RASA1: variants seen among roughly 807,000 people sequenced by gnomAD.
The protein encoded by RASA1 is RAS p21 protein activator 1.
RASA1 carries 25 observed loss-of-function variants against 132.2 expected under a neutral mutation model. That is an observed-to-expected ratio of 0.19 (90% CI 0.14 to 0.26). RASA1 has a LOEUF of 0.26. Among genes scored for constraint, RASA1 ranks in the 10% least tolerant of loss-of-function variants. The pLI is 1.00. For missense variants in RASA1, 964 were observed against 1,299.2 expected (o/e 0.74, Z 3.97); for synonymous variants, 477 against 449.9 (o/e 1.06, Z -0.76).
chr5:87,379,915 T>C (rs1761590953), intron 19 of RASA1, 65 bp downstream of exon 19: 1 of 1,507,446 alleles, frequency 6.6e-7, no homozygotes, highest in Admixed American at 1.7e-5. Flanking sequence ...TTTCTATTTC[T>C]AAAACGTGAA....
At chr5:87,274,433 C>T (rs951081090) in intron 1 of RASA1, among the ~76,000 whole-genome samples, 1 of 152,038 alleles carries the variant, frequency 6.6e-6, no homozygotes, top group East Asian at 1.9e-4. Context: ...ATGGGTGAGC[C>T]ATTGTTTCTT....
Position 87,369,920 on chromosome 5 carries a change from A to G in RASA1, c.1698+20A>G, listed in dbSNP as rs764032034. The stretch of plus-strand genomic sequence containing the variant: ...GCAGAGGTAAGATTACTGTTTCTCA[A>G]ACTACAGTATACTTTTATGTTAGCC... On this transcript the variant is annotated intron_variant, in intron 12 of 24. Transcript: ENST00000274376. 1.9e-6 allele frequency: 3 copies of G among 1,558,442 alleles called. No individual in the cohort carries two copies. Among genetic ancestry groups the G allele is most frequent in the African/African-American group, 2.7e-5 (2 of 73,554 alleles).
chr5:87,303,424 T>G (rs923143440), intron 1 of RASA1, among the ~76,000 whole-genome samples: 1 of 152,084 alleles, frequency 6.6e-6, no homozygotes, highest in Non-Finnish European at 1.5e-5. Context: ...CTTAAATAAT[T>G]CTTCTCAGTC....
chr5:87,278,909 C>T (rs370334178), intron 1 of RASA1, among the ~76,000 whole-genome samples: 261 of 83,976 alleles, frequency 3.1e-3, no homozygotes, highest in Admixed American at 4.0e-3. Flanking sequence ...CTAATTTGTT[C>T]TTTTTTTTTT....
intron 11 of RASA1, among the ~76,000 whole-genome samples, chr5:87,365,283 TG>T (rs1377632844): frequency 6.6e-6 from 1 of 152,198 alleles, no homozygotes; most frequent in Non-Finnish European, 1.5e-5. Flanking sequence ...CGAAATCATA[TG>T]ATCCCTGTAT....
At chr5:87,353,317 A>G in intron 9 of RASA1, 82 bp downstream of exon 9, 2 of 1,108,674 alleles carry the variant, frequency 1.8e-6, no homozygotes. Context: ...ACACATTTGT[A>G]CAATTCAAAT....
In RASA1 at chr5:87,373,734, G is replaced by A. The variant is rs76564060; in HGVS notation, c.1777-429G>A. Reference sequence around the variant, plus strand: ...GTCAGTGTTTTAAAAATTTTTAGCTGTGGAACTCTTTTATAGAAATAGAAT... The same window carrying A: ...GTCAGTGTTTTAAAAATTTTTAGCTATGGAACTCTTTTATAGAAATAGAAT... On this transcript the variant is annotated intron_variant, in intron 13 of 24. Transcript: ENST00000274376. 5.1e-3 allele frequency among the ~76,000 whole-genome samples: 776 copies of A among 152,172 alleles called. 42 individuals carry two copies. The South Asian group carries it at 0.11, about 22-fold the overall frequency.
At chr5:87,321,732 C>A (rs1756826592) in intron 1 of RASA1, among the ~76,000 whole-genome samples, 1 of 152,242 alleles carries the variant, frequency 6.6e-6, no homozygotes, top group Non-Finnish European at 1.5e-5. Context: ...TCTTGCTCAC[C>A]TTCTTGCCCA....
intron 12 of RASA1, among the ~76,000 whole-genome samples, chr5:87,371,847 CTAAT>C (rs1256955340): frequency 6.6e-6 from 1 of 151,910 alleles, no homozygotes; most frequent in South Asian, 2.1e-4. Context: ...GATTTTTTGG[CTAAT>C]TAATGGCCAC....
chr5:87,382,221 G>C (rs759858726), intron 20 of RASA1, among the ~76,000 whole-genome samples: 2 of 152,128 alleles, frequency 1.3e-5, no homozygotes, highest in Non-Finnish European at 2.9e-5. Flanking sequence ...CAAAGTGTTG[G>C]ATTACAGGCA....
At chr5:87,300,312 G>A (rs1313992768) in intron 1 of RASA1, among the ~76,000 whole-genome samples, 1 of 152,158 alleles carries the variant, frequency 6.6e-6, no homozygotes, top group African/African-American at 2.4e-5. Context: ...AAGTGGTTGA[G>A]CTTGCAGTGA....
intron 21 of RASA1, among the ~76,000 whole-genome samples, chr5:87,384,150 A>G (rs1260800841): frequency 6.6e-6 from 1 of 152,198 alleles, no homozygotes; most frequent in Non-Finnish European, 1.5e-5. Flanking sequence ...TAGATCTTCA[A>G]GATCAAATTA....
intron 21 of RASA1, 79 bp downstream of exon 21, chr5:87,383,859 C>A: frequency 4.5e-4 from 407 of 897,370 alleles, no homozygotes; most frequent in Non-Finnish European, 6.2e-4. Flanking sequence ...ACTCTTAAAT[C>A]TTTTTTTTTT....
intron 1 of RASA1, among the ~76,000 whole-genome samples, chr5:87,320,582 A>G (rs1195607565): frequency 1.3e-5 from 2 of 152,148 alleles, no homozygotes; most frequent in East Asian, 3.9e-4. Context: ...ACACACTTTT[A>G]AACCATCAGA....
rs191444827 is a variant in RASA1, at chr5:87,382,442, G to A, written c.2691-1271G>A. Among the ~76,000 whole-genome samples the A allele has an allele frequency of 4.6e-3, 697 of 152,232 alleles. 7 individuals are homozygous for A. The highest frequency in any genetic ancestry group is 5.7e-3 in the Non-Finnish European group (391 of 68,012). ...CGTAACTCATTATTTTGGGAATAATGCTTGTCTTTACATGGATTATGTCTA... is the reference window on the plus strand; with the variant it reads ...CGTAACTCATTATTTTGGGAATAATACTTGTCTTTACATGGATTATGTCTA... On this transcript the variant is annotated intron_variant, in intron 20 of 24. Coordinates refer to ENST00000274376, the MANE Select transcript of RASA1 (RefSeq NM_002890.3).
intron 1 of RASA1, among the ~76,000 whole-genome samples, chr5:87,308,655 C>T (rs981241434): frequency 4.6e-5 from 7 of 152,222 alleles, no homozygotes; most frequent in South Asian, 2.1e-4. Flanking sequence ...CATAAGTATA[C>T]GTTTACCTAT....
intron 1 of RASA1, among the ~76,000 whole-genome samples, chr5:87,319,992 A>G (rs1384939102): frequency 6.6e-6 from 1 of 152,192 alleles, no homozygotes; most frequent in Non-Finnish European, 1.5e-5. Context: ...CTGCTTAGAA[A>G]TTTCTTCTGC....
rs572913754 is a variant in RASA1 at position 87,346,717 on chromosome 5, A to G, written c.1095A>G (p.Leu365=). Residue 365 remains leucine (L), a synonymous_variant, in exon 7 of 25, where the codon CTA becomes CTG. Transcript: ENST00000274376. ...CCAAACAGGAAGCTTATAATTTACT[A>G]ATGACAGGTACTTACATATTTACTT... is the stretch of plus-strand genomic sequence containing the variant. ...KISKQEAYNL[L]MTVGQVCSFL... 2 of 1,549,090 alleles carry G rather than the reference A, an allele frequency of 1.3e-6. No homozygotes were observed. The highest frequency in any genetic ancestry group is 1.8e-6 in the Non-Finnish European group (2 of 1,122,910).
Position 87,268,315 on chromosome 5 carries a change from T to TTC in RASA1, c.-137_-136insTC. 1 of 1,106,772 alleles carries TTC rather than the reference T, an allele frequency of 9.0e-7. No individual in the cohort carries two copies. Among genetic ancestry groups the TTC allele is most frequent in the Non-Finnish European group, 1.2e-6 (1 of 816,728 alleles). 68.6% of individuals were successfully genotyped at this position (1,106,772 alleles called of 1,614,324 possible). A position where few individuals can be genotyped will look rare whatever the true frequency, so the allele number is the denominator to read the frequency against. ...TAGGAGGGGGCGCGGCGGCGGGCTC[T>TTC]CTCCTTTTGTTGTTGTTTCCTCAGC... On this transcript the variant is annotated 5_prime_UTR_variant, in exon 1 of 25. Coordinates refer to ENST00000274376, the MANE Select transcript of RASA1 (RefSeq NM_002890.3).
Sources: gnomAD v4.1 joint callset for allele counts (sites outside exome capture counted in the v4.1 genomes callset) on GRCh38, gnomAD v4.1.1 for gene constraint, MANE v1.5 for transcripts, NCBI Gene and HGNC (gene_info 2026-07-23, HGNC 2026-07-21) for gene names.